Variants in CCDC178 observed in about 807,000 individuals in gnomAD.
The protein encoded by CCDC178 is coiled-coil domain containing 178.
A neutral mutation model predicts 117.4 loss-of-function variants in CCDC178; 126 were observed. The ratio of observed to expected loss-of-function variants is 1.07; its 90% confidence interval spans 0.93 to 1.24. CCDC178 has a LOEUF of 1.24. Ranked by LOEUF, CCDC178 falls within the 50% of genes most tolerant of loss-of-function variation. The probability of loss-of-function intolerance (pLI) is 0.00; values close to 1 mark genes in which losing one functional copy is unlikely to be tolerated. For synonymous variants in CCDC178, 283 were observed against 313.4 expected, an observed-to-expected ratio of 0.90 and a Z score of 1.02; for missense variants, 1,030 against 986.9, an observed-to-expected ratio of 1.04 and a Z score of -0.59.
chr18:33,120,287 C>G (rs2057919429), intron 20 of CCDC178, among the ~76,000 whole-genome samples: 1 of 152,022 alleles, frequency 6.6e-6, no homozygotes, highest in Non-Finnish European at 1.5e-5. Flanking sequence ...CCTCATCTCT[C>G]CCAATCAACA....
At position 33,155,640 on chromosome 18, in the gene CCDC178, A is replaced by T. The variant is rs2058385036; in HGVS notation, c.2238+56256T>A. Among the ~76,000 whole-genome samples, 8 of 152,210 alleles carry T rather than the reference A, an allele frequency of 5.3e-5. No individual in the cohort carries two copies. In the South Asian group the frequency reaches 1.7e-3, roughly 31 times the overall value. ...TTTAAAATTAATTATCTTGAATATT[A>T]GGCATCTCAGGCAATTTTTTTGTCA... On this transcript the variant is annotated intron_variant, in intron 20 of 22. Transcript: ENST00000383096.
chr18:32,966,554 T>C (rs1413333030), intron 22 of CCDC178, among the ~76,000 whole-genome samples: 1 of 152,030 alleles, frequency 6.6e-6, no homozygotes, highest in East Asian at 1.9e-4. Flanking sequence ...CTTTTTGATA[T>C]ATTTTGCTAC....
chr18:33,056,653 A>G (rs991161003), intron 21 of CCDC178, among the ~76,000 whole-genome samples: 1 of 152,226 alleles, frequency 6.6e-6, no homozygotes, highest in African/African-American at 2.4e-5. Context: ...GAAATTCACA[A>G]TATTAGAAGT....
chr18:33,339,416 C>A (rs2062784373), intron 9 of CCDC178, among the ~76,000 whole-genome samples: 2 of 151,414 alleles, frequency 1.3e-5, no homozygotes, highest in African/African-American at 2.4e-5. Context: ...ACCATCACTA[C>A]TACTATTACA....
chr18:32,968,332 CT>C (rs1310093541), intron 22 of CCDC178, among the ~76,000 whole-genome samples: 1 of 151,932 alleles, frequency 6.6e-6, no homozygotes, highest in African/African-American at 2.4e-5. Context: ...GATTTAATTC[CT>C]TTTTTTATGG....
At chr18:33,371,597 T>TA (rs1401725271) in intron 5 of CCDC178, among the ~76,000 whole-genome samples, 1 of 151,996 alleles carries the variant, frequency 6.6e-6, no homozygotes, top group African/African-American at 2.4e-5. Flanking sequence ...GAAACAGTAC[T>TA]AAAAATATAT....
intron 11 of CCDC178, among the ~76,000 whole-genome samples, chr18:33,308,140 C>T (rs1237153871): frequency 1.3e-5 from 2 of 152,188 alleles, no homozygotes; most frequent in African/African-American, 4.8e-5. Flanking sequence ...GAAAAAGCCA[C>T]AGACACTCAA....
intron 9 of CCDC178, among the ~76,000 whole-genome samples, chr18:33,336,539 T>A (rs556165344): frequency 1.3e-5 from 2 of 152,244 alleles, no homozygotes; most frequent in African/African-American, 4.8e-5. Context: ...ATTGAAATTA[T>A]AACTTTGATA....
At chr18:33,082,197 A>G (rs1214153908) in intron 21 of CCDC178, among the ~76,000 whole-genome samples, 1 of 152,182 alleles carries the variant, frequency 6.6e-6, no homozygotes, top group African/African-American at 2.4e-5. Context: ...TAGGTCTGGC[A>G]TGGTGGCTCA....
intron 21 of CCDC178, among the ~76,000 whole-genome samples, chr18:32,977,280 TTCTC>T (rs545418906): frequency 1.3e-3 from 198 of 152,296 alleles, no homozygotes; most frequent in African/African-American, 4.6e-3. Context: ...GCTTTTCTCT[TTCTC>T]TCTCTGATAT....
intron 5 of CCDC178, among the ~76,000 whole-genome samples, chr18:33,379,114 CATATATATATAATATATATATTTCCAT>C (rs1407341253): frequency 0.076 from 326 of 4,296 alleles, 1 homozygote; most frequent in Non-Finnish European, 0.42. Flanking sequence ...TATATATTTC[CATATATATATAATATATATATTTCCAT>C]ATATATATAA....
At chr18:33,246,057 C>G (rs2059545496) in intron 14 of CCDC178, among the ~76,000 whole-genome samples, 1 of 151,878 alleles carries the variant, frequency 6.6e-6, no homozygotes, top group Admixed American at 6.6e-5. Context: ...TCAACACTAA[C>G]TCCACATTAT....
intron 20 of CCDC178, among the ~76,000 whole-genome samples, chr18:33,153,812 G>A (rs1475438769): frequency 6.6e-6 from 1 of 151,020 alleles, no homozygotes; most frequent in Non-Finnish European, 1.5e-5. Flanking sequence ...AGTAAACAGA[G>A]AAAAATGGAA....
At chr18:33,342,644 G>A (rs898887633) in intron 9 of CCDC178, among the ~76,000 whole-genome samples, 1 of 152,164 alleles carries the variant, frequency 6.6e-6, no homozygotes, top group African/African-American at 2.4e-5. Context: ...TAGCCAAAGA[G>A]GATGAGAGAG....
At chr18:33,393,275 T>C (rs1208916691) in intron 4 of CCDC178, among the ~76,000 whole-genome samples, 2 of 152,206 alleles carry the variant, frequency 1.3e-5, no homozygotes, top group South Asian at 2.1e-4. Context: ...TGTAAGTCAT[T>C]CTGCAAGCAT....
chr18:33,127,478 C>A (rs1238966152), intron 20 of CCDC178, among the ~76,000 whole-genome samples: 1 of 152,156 alleles, frequency 6.6e-6, no homozygotes, highest in African/African-American at 2.4e-5. Context: ...CTCTGCCACC[C>A]AGGCTGGAGT....
intron 21 of CCDC178, among the ~76,000 whole-genome samples, chr18:33,081,680 T>C (rs954303038): frequency 1.3e-5 from 2 of 152,190 alleles, no homozygotes; most frequent in African/African-American, 2.4e-5. Context: ...ATTTTTTTCT[T>C]GAAAGACCAC....
At chr18:33,409,193 C>T (rs2063819604) in intron 3 of CCDC178, among the ~76,000 whole-genome samples, 1 of 152,098 alleles carries the variant, frequency 6.6e-6, no homozygotes, top group Non-Finnish European at 1.5e-5. Context: ...AAGGGATCCT[C>T]CTATCTCACA....
At chr18:33,233,514 C>G (rs978544463) in intron 15 of CCDC178, among the ~76,000 whole-genome samples, 3 of 151,768 alleles carry the variant, frequency 2.0e-5, no homozygotes, top group Admixed American at 2.0e-4. Flanking sequence ...TGTTTAGAAC[C>G]CACGCATTTA....
Sources: allele counts gnomAD v4.1 joint callset (sites outside exome capture counted in the v4.1 genomes callset), GRCh38; gene constraint gnomAD v4.1.1; transcripts MANE v1.5; gene names NCBI Gene and HGNC (gene_info 2026-07-23, HGNC 2026-07-21).